Variants in PIEZO1 observed in about 807,000 individuals in gnomAD.
The protein encoded by PIEZO1 is piezo type mechanosensitive ion channel component 1 (Er blood group).
Under a neutral mutation model 297.2 loss-of-function variants are expected in PIEZO1, and 296 were observed. That is an observed-to-expected ratio of 1.00 (90% CI 0.91 to 1.10). The LOEUF (loss-of-function observed/expected upper bound fraction) is 1.10. Among genes scored for constraint, PIEZO1 ranks in the 50% least tolerant of loss-of-function variants. PIEZO1 has a pLI of 0.00. For synonymous variants in PIEZO1, 2,427 were observed against 1,507.5 expected (o/e 1.61, Z -14.13); for missense variants, 5,018 against 3,455.5 (o/e 1.45, Z -11.34).
chr16:88,731,578 G>A (rs1006326646), intron 22 of PIEZO1, 128 bp downstream of exon 22: 4 of 676,578 alleles, frequency 5.9e-6, no homozygotes, highest in South Asian at 1.8e-5. Context: ...GGAGCAGAGA[G>A]GAGGGACTGG....
At chr16:88,742,681 G>T in intron 2 of PIEZO1, 1 of 487,208 alleles carries the variant, frequency 2.1e-6, no homozygotes, top group Non-Finnish European at 3.7e-6. Flanking sequence ...GGCAGGAAAA[G>T]GCCTCCCAGG....
chr16:88,761,415 T>A (rs997722884), intron 1 of PIEZO1, among the ~76,000 whole-genome samples: 1 of 152,182 alleles, frequency 6.6e-6, no homozygotes, highest in Non-Finnish European at 1.5e-5. Flanking sequence ...TAAGAGTGAC[T>A]TGCAGGGCAC....
In PIEZO1 at chr16:88,716,620, T is replaced by C; in HGVS notation, c.6865A>G (p.Lys2289Glu). 6.5e-7 allele frequency: 1 copy of C among 1,549,994 alleles called. No homozygotes were observed. The highest frequency in any genetic ancestry group is 8.7e-7 in the Non-Finnish European group (1 of 1,146,894). Residue 2289 changes from lysine (K) to glutamate (E), a missense_variant, in exon 47 of 51, where the codon AAG becomes GAG. Lys to Glu is a moderately conservative substitution (Grantham distance 56). Transcript: ENST00000301015. Reference protein sequence around the residue: ...RISPPSRAQMKRELYNGTADI... With the variant: ...RISPPSRAQMERELYNGTADI... ...GCCGTGCCGTTGTAGAGCTCCCGCT[T>C]CATCTGGGCACGGCTGGGGGGACTG...
intron 1 of PIEZO1, among the ~76,000 whole-genome samples, chr16:88,780,899 G>C (rs1432184739): frequency 6.6e-6 from 1 of 152,234 alleles, no homozygotes; most frequent in Non-Finnish European, 1.5e-5. Context: ...TGAAGTTGTA[G>C]GGAGCCAAAA....
chr16:88,758,032 T>C (rs1287858981), intron 1 of PIEZO1, among the ~76,000 whole-genome samples: 1 of 152,106 alleles, frequency 6.6e-6, no homozygotes, highest in African/African-American at 2.4e-5. Flanking sequence ...AGAGAGGATA[T>C]AGGGCTAGAC....
chr16:88,741,397 G>T, intron 5 of PIEZO1, 81 bp downstream of exon 5: 6 of 1,274,988 alleles, frequency 4.7e-6, no homozygotes, highest in Non-Finnish European at 6.3e-6. Context: ...GTTTTAAAAA[G>T]ATTAAAATAA....
At chr16:88,783,752 A>G (rs576333636) in intron 1 of PIEZO1, among the ~76,000 whole-genome samples, 11 of 152,182 alleles carry the variant, frequency 7.2e-5, no homozygotes, top group Non-Finnish European at 1.5e-4. Flanking sequence ...GTTTTCATTG[A>G]TTCCTGTCTA....
At position 88,721,651 on chromosome 16, in the gene PIEZO1, C is replaced by T. The variant is rs749976222; in HGVS notation, c.5290G>A (p.Glu1764Lys). The change falls in exon 38 of 51, where the codon GAG (glutamate) becomes AAG (lysine). Residue 1764 changes from glutamate (E) to lysine (K), a missense_variant. Transcript: ENST00000301015. ...WNSHVVLRRY[E>K]NKPYFPPRIL... ...CGGGGCGGGAAGTAGGGCTTGTTCT[C>T]GTAGCGCCGCAGCACCACGTGGCTG... 3.9e-5 allele frequency: 60 copies of T among 1,550,030 alleles called. No individual in the cohort carries two copies. Among genetic ancestry groups the T allele is most frequent in the South Asian group, 7.1e-5 (6 of 84,062 alleles).
At chr16:88,716,781 C>G (rs1057406234) in intron 46 of PIEZO1, 25 bp downstream of exon 46, 76 of 1,549,466 alleles carry the variant, frequency 4.9e-5, no homozygotes, top group Non-Finnish European at 6.5e-5. Context: ...CCCACACCAG[C>G]TTTCACAGGG....
chr16:88,753,677 T>C (rs1436764458), intron 1 of PIEZO1, among the ~76,000 whole-genome samples: 2 of 152,172 alleles, frequency 1.3e-5, no homozygotes, highest in Non-Finnish European at 2.9e-5. Context: ...CCACGGCTTT[T>C]CGAAACACTC....
intron 18 of PIEZO1, 55 bp downstream of exon 18, chr16:88,733,533 G>C (rs1460280809): frequency 1.0e-5 from 16 of 1,526,678 alleles, no homozygotes; most frequent in Non-Finnish European, 1.8e-6. Context: ...GGCCAGCTGG[G>C]CAGGCCAGAG....
At chr16:88,753,012 C>G (rs536510650) in intron 1 of PIEZO1, among the ~76,000 whole-genome samples, 30 of 152,042 alleles carry the variant, frequency 2.0e-4, no homozygotes, top group African/African-American at 7.0e-4. Context: ...AGGTGGCGGC[C>G]ACTCACCAAC....
chr16:88,742,086 C>T lies in PIEZO1; in HGVS notation c.293G>A (p.Trp98Ter). The change falls in exon 4 of 51, where the codon TGG (tryptophan) becomes TAG (stop). Residue 98 changes from tryptophan to a stop codon, truncating the protein, a stop_gained. Transcript: ENST00000301015. LOFTEE classifies it high-confidence loss of function. ...DQLLGPSCSR[W>*]ETLSRHIGVT... ...CCCTATGTGTCGCGAGAGGGTCTCC[C>T]AGCGGCTGCCTGCAGAGAAAGACGG... 1 of 1,535,988 alleles carries T rather than the reference C, an allele frequency of 6.5e-7. No individual in the cohort carries two copies. Among genetic ancestry groups the T allele is most frequent in the Non-Finnish European group, 8.7e-7 (1 of 1,146,796 alleles).
chr16:88,757,459 C>T (rs921733168), intron 1 of PIEZO1, among the ~76,000 whole-genome samples: 1 of 150,640 alleles, frequency 6.6e-6, no homozygotes, highest in Non-Finnish European at 1.5e-5. Context: ...AAAGGACTGA[C>T]GGGGCCTAGG....
intron 1 of PIEZO1, among the ~76,000 whole-genome samples, chr16:88,779,606 G>A (rs1345006144): frequency 2.6e-5 from 4 of 152,210 alleles, no homozygotes; most frequent in African/African-American, 9.6e-5. Flanking sequence ...GTGAGAGGAT[G>A]CATGAATGAA....
rs1478486178 is a variant in PIEZO1 at position 88,731,742 on chromosome 16, G to A, written c.3160C>T (p.Leu1054=). The A allele has an allele frequency of 7.1e-6, 11 of 1,549,784 alleles. No homozygotes were observed. The highest frequency in any genetic ancestry group is 3.9e-5 in the Admixed American group (2 of 50,958). ...GCCGGGGGCATCCCCAGGCACAGCAGGTACTGGTACAGCAGGAACAGCGCC... is the reference window on the plus strand; with the variant it reads ...GCCGGGGGCATCCCCAGGCACAGCAAGTACTGGTACAGCAGGAACAGCGCC... ...FLALFLLYQY[L]LCLGMPPALC... Residue 1054 remains leucine, a synonymous_variant, in exon 22 of 51, where the codon CTG becomes TTG. Coordinates refer to ENST00000301015, the MANE Select transcript of PIEZO1 (RefSeq NM_001142864.4).
intron 1 of PIEZO1, among the ~76,000 whole-genome samples, chr16:88,767,695 C>G (rs1907239458): frequency 6.6e-6 from 1 of 152,172 alleles, no homozygotes; most frequent in Non-Finnish European, 1.5e-5. Flanking sequence ...AACCAGGGTC[C>G]CCAAAGGTCA....
rs775724730 is a variant in PIEZO1 at position 88,725,675 on chromosome 16, G to A, written c.3978C>T (p.Ala1326=). 68 of 1,542,820 alleles carry A rather than the reference G, an allele frequency of 4.4e-5. No homozygotes were observed. Among genetic ancestry groups the A allele is most frequent in the Admixed American group, 5.9e-5 (3 of 50,952 alleles). Residue 1326 remains alanine (A), a synonymous_variant, in exon 28 of 51, where the codon GCC becomes GCT. Transcript: ENST00000301015. ...ATALLASRGF[A]LYNAANLKSI... is the part of the protein sequence containing the mutation. ...TCTTGAGGTTGGCAGCGTTGTAGAG[G>A]GCGAAGCCCCTGTAGGGAGGCGGGG...
Position 88,716,150 on chromosome 16 carries a change from G to T in PIEZO1, c.7130-31C>A, listed in dbSNP as rs192028757. 3 of 1,527,672 alleles carry T rather than the reference G, an allele frequency of 2.0e-6. No homozygotes were observed. In the South Asian group the frequency reaches 3.7e-5, roughly 19 times the overall value. The allele number at this position is 1,527,672 out of a possible 1,614,324, so 94.6% of individuals were successfully genotyped here. A position where few individuals can be genotyped will look rare whatever the true frequency, so the allele number is the denominator to read the frequency against. On this transcript the variant is annotated intron_variant, in intron 49 of 50. Transcript: ENST00000301015. ...ATGGAGGGAGAAGATCGTTGAGGCC[G>T]CAGGTCACCCCTCTCTAGCCTCCCC...
Sources: gnomAD v4.1 joint callset for allele counts (sites outside exome capture counted in the v4.1 genomes callset) on GRCh38, gnomAD v4.1.1 for gene constraint, MANE v1.5 for transcripts, NCBI Gene and HGNC (gene_info 2026-07-23, HGNC 2026-07-21) for gene names.